Variants in FASN observed in about 807,000 individuals in gnomAD.
FASN encodes the protein fatty acid synthase, also known as 3-hydroxyacyl-[acyl-carrier-protein] dehydratase.
Under a neutral mutation model 250.0 loss-of-function variants are expected in FASN, and 50 were observed. The observed-to-expected ratio is 0.20, with a 90% CI of 0.16 to 0.25. The LOEUF is 0.25. FASN is among the 10% of genes least tolerant of loss of function. The pLI, the probability that FASN is intolerant of heterozygous loss-of-function variation, is 1.00. For missense variants in FASN, 3,031 were observed against 3,498.5 expected, an observed-to-expected ratio of 0.87 and a Z score of 3.37; for synonymous variants, 1,909 against 1,584.0, an observed-to-expected ratio of 1.21 and a Z score of -4.87.
intron 3 of FASN, among the ~76,000 whole-genome samples, chr17:82,094,805 T>C (rs1304420396): frequency 6.7e-6 from 1 of 148,586 alleles, no homozygotes; most frequent in Non-Finnish European, 1.5e-5. Context: ...AATAAATAAA[T>C]AAAAATAAAA....
rs766478964 is a variant in FASN at position 82,082,152 on chromosome 17, C to T, written c.6020G>A (p.Arg2007Gln). The T allele has an allele frequency of 2.2e-5, 35 of 1,603,394 alleles. No homozygotes were observed. Among genetic ancestry groups the T allele is most frequent in the East Asian group, 8.9e-5 (4 of 44,898 alleles). ...GTAGTCCAGCTCAGGGCACGCCTCT[C>T]GGGTCACCCTGTGGGCACGCGTGTC... Reference protein sequence around the residue: ...SGTLNLDRVTREACPELDYFV... With the variant: ...SGTLNLDRVTQEACPELDYFV... The change falls in exon 36 of 43, where the codon CGA becomes CAA. Residue 2007 changes from arginine (R) to glutamine (Q), a missense_variant. Coordinates refer to ENST00000306749, the MANE Select transcript of FASN (RefSeq NM_004104.5).
At position 82,085,792 on chromosome 17, in the gene FASN, G is replaced by T. The variant is rs374632164; in HGVS notation, c.3812C>A (p.Thr1271Lys). The change falls in exon 23 of 43, where the codon ACG becomes AAG. Residue 1271 changes from threonine (T) to lysine (K), a missense_variant. Coordinates refer to ENST00000306749, the MANE Select transcript of FASN (RefSeq NM_004104.5). ...GGCCTGGGGGTGGCGGTCGGTGGCC[G>T]TGTAGCTCAGCTGCAGCAGGGGATG... ...SPHPLLQLSY[T>K]ATDRHPQALE... 6.4e-7 allele frequency: 1 copy of T among 1,562,132 alleles called. No homozygotes were observed.
rs781194328 is a variant in FASN, at chr17:82,081,594, T to G, written c.6406+7A>C. 13 of 1,611,960 alleles carry G rather than the reference T, an allele frequency of 8.1e-6. No homozygotes were observed. The highest frequency in any genetic ancestry group is 1.1e-5 in the Non-Finnish European group (13 of 1,179,942). Reference sequence around the variant, plus strand: ...CACCTGGCGCGGCTCCTACTGGGAGTGCTCACCCAGGATGTGTGCCACGGC... The same window carrying G: ...CACCTGGCGCGGCTCCTACTGGGAGGGCTCACCCAGGATGTGTGCCACGGC... On this transcript the variant is annotated splice_region_variant and intron_variant, in intron 37 of 42. Transcript: ENST00000306749.
At position 82,081,633 on chromosome 17, in the gene FASN, C is replaced by T. The variant is rs145866788; in HGVS notation, c.6374G>A (p.Arg2125Gln). Residue 2125 changes from arginine (R) to glutamine (Q), a missense_variant, in exon 37 of 43, where the codon CGG becomes CAG. Arg to Gln is a conservative substitution (Grantham distance 43, BLOSUM62 1). Transcript: ENST00000306749. Reference protein sequence around the residue: ...AAAYRDRDSQRDLVEAVAHIL... With the variant: ...AAAYRDRDSQQDLVEAVAHIL... The stretch of plus-strand genomic sequence containing the variant: ...GTGTGCCACGGCCTCCACCAGGTCC[C>T]GCTGGCTGTCCCTGTCCCTATAGGC... 5.0e-3 allele frequency: 8,127 copies of T among 1,612,718 alleles called. 27 individuals are homozygous for T. Among genetic ancestry groups the T allele is most frequent in the Non-Finnish European group, 6.3e-3 (7,418 of 1,180,002 alleles).
chr17:82,089,796 C>T, intron 11 of FASN, 70 bp from the exon 12 acceptor site: 1 of 1,314,748 alleles, frequency 7.6e-7, no homozygotes, highest in African/African-American at 1.5e-5. Context: ...CCCACCCAGA[C>T]ACTGCCTGCA....
chr17:82,088,072 C>T (rs754428065), intron 17 of FASN, 38 bp from the exon 18 acceptor site: 6 of 1,612,522 alleles, frequency 3.7e-6, no homozygotes, highest in South Asian at 1.1e-5. Flanking sequence ...AGGGCAGCAC[C>T]CGCCCCCCAG....
rs562304041 is a variant in FASN at position 82,081,747 on chromosome 17, C to T, written c.6260G>A (p.Arg2087His). 2.2e-5 allele frequency: 35 copies of T among 1,612,692 alleles called. No homozygotes were observed. Among genetic ancestry groups the T allele is most frequent in the South Asian group, 1.2e-4 (11 of 91,086 alleles). Residue 2087 changes from arginine to histidine, a missense_variant, in exon 37 of 43, where the codon CGC (arginine) becomes CAC (histidine). By Grantham distance (29) the Arg-to-His change is conservative. Coordinates refer to ENST00000306749, the MANE Select transcript of FASN (RefSeq NM_004104.5). ...DTIVSGTLPQ[R>H]MASCLEVLDL... ...CAGCACCTCCAGGCAGGACGCCATG[C>T]GCTGGGGCAGCGTGCCACTGACGAT...
chr17:82,090,770 C>T (rs995662333), intron 10 of FASN, 112 bp downstream of exon 10: 2 of 1,282,406 alleles, frequency 1.6e-6, no homozygotes, highest in East Asian at 2.5e-5. Context: ...AAGGCTCTGC[C>T]TAGCAAAGGG....
chr17:82,082,370 G>A lies in FASN; in HGVS notation c.5964C>T (p.Phe1988=). 1 of 1,612,896 alleles carries A rather than the reference G, an allele frequency of 6.2e-7. No individual in the cohort carries two copies. Among genetic ancestry groups the A allele is most frequent in the Non-Finnish European group, 8.5e-7 (1 of 1,179,996 alleles). Residue 1988 remains phenylalanine (F), a synonymous_variant, in exon 35 of 43, where the codon TTC becomes TTT. Transcript: ENST00000306749. ...TGTACTTGGGCTTGCAGACGTCCTG[G>A]AAGAACTCTGGGGTCTGGTTCTCCA... ...GLLENQTPEF[F]QDVCKPKYSG...
At chr17:82,090,123 G>A in intron 11 of FASN, among the ~76,000 whole-genome samples, 1 of 152,220 alleles carries the variant, frequency 6.6e-6, no homozygotes, top group East Asian at 1.9e-4. Flanking sequence ...CTGCAGCTGT[G>A]TGCTCATCAC....
Position 82,081,310 on chromosome 17 carries a change from G to C in FASN, c.6449C>G (p.Ala2150Gly). Residue 2150 changes from alanine to glycine, a missense_variant, in exon 38 of 43, where the codon GCG becomes GGG. Transcript: ENST00000306749. ...CATGAGCGAGTCCAGGCCCAGGTCCGCCAGTGAGCTGTCCAGGTTGACAGC... is the reference window on the plus strand; with the variant it reads ...CATGAGCGAGTCCAGGCCCAGGTCCCCCAGTGAGCTGTCCAGGTTGACAGC... ...LAAVNLDSSLADLGLDSLMSV... is the reference protein window; with the variant it reads ...LAAVNLDSSLGDLGLDSLMSV... 6.4e-7 allele frequency: 1 copy of C among 1,556,952 alleles called. No individual in the cohort carries two copies.
intron 4 of FASN, 36 bp from the exon 5 acceptor site, chr17:82,093,455 TGA>T: frequency 6.3e-7 from 1 of 1,585,936 alleles, no homozygotes; most frequent in South Asian, 1.1e-5. Flanking sequence ...GGTGGGGCTG[TGA>T]GCACACGAGA....
intron 8 of FASN, 130 bp from the exon 9 acceptor site, chr17:82,091,814 C>A (rs565747560): frequency 1.2e-6 from 1 of 833,958 alleles, no homozygotes; most frequent in Non-Finnish European, 1.8e-6. Context: ...CACTTCCTGT[C>A]CCCAACCTAA....
At chr17:82,086,859 C>T (rs1225458729) in intron 21 of FASN, among the ~76,000 whole-genome samples, 191 bp downstream of exon 21, 1 of 151,304 alleles carries the variant, frequency 6.6e-6, no homozygotes, top group African/African-American at 2.4e-5. Flanking sequence ...GGAACAGTGA[C>T]CAGGGACGAG....
At chr17:82,093,806 GC>G in intron 3 of FASN, 35 bp from the exon 4 acceptor site, 1 of 1,606,772 alleles carries the variant, frequency 6.2e-7, no homozygotes, top group South Asian at 1.1e-5. Context: ...CCACGGCCGG[GC>G]CCCACAGCGC....
rs1438153766 is a variant in FASN at position 82,081,722 on chromosome 17, C to T, written c.6285G>A (p.Leu2095=). ...PQRMASCLEV[L]DLFLNQPHMV... ...TGTGGGGCTGGTTCAGGAAGAGGTC[C>T]AGCACCTCCAGGCAGGACGCCATGC... Residue 2095 remains leucine, a synonymous_variant, in exon 37 of 43, where the codon CTG becomes CTA. Transcript: ENST00000306749. 2.5e-6 allele frequency: 4 copies of T among 1,612,714 alleles called. No homozygotes were observed. The highest frequency in any genetic ancestry group is 2.2e-5 in the South Asian group (2 of 91,072).
rs775022621 is a variant in FASN at position 82,087,995 on chromosome 17, C to T, written c.2825G>A (p.Arg942His). Reference protein sequence around the residue: ...SLEVRLLEASRAFEVSENGNL... With the variant: ...SLEVRLLEASHAFEVSENGNL... ...GCCGTTCTCTGACACCTCGAAGGCA[C>T]GGGAGGCCTCCAGGAGCCGTACCTC... Residue 942 changes from arginine to histidine, a missense_variant, in exon 18 of 43, where the codon CGT becomes CAT. Transcript: ENST00000306749. 9.9e-6 allele frequency: 16 copies of T among 1,612,586 alleles called. No homozygotes were observed. The highest frequency in any genetic ancestry group is 3.3e-5 in the Admixed American group (2 of 60,006).
chr17:82,091,846 C>T (rs146097804), intron 8 of FASN, among the ~76,000 whole-genome samples, 162 bp from the exon 9 acceptor site: 15 of 152,274 alleles, frequency 9.9e-5, no homozygotes, highest in South Asian at 2.1e-4. Flanking sequence ...CACAGGGGTC[C>T]GAGGACTGAG....
At position 82,093,346 on chromosome 17, in the gene FASN, G is replaced by A. The variant is rs2034247242; in HGVS notation, c.528C>T (p.His176=). ...CGATGGCGGCAGGGCACTGCCCGCT[G>A]TGGATGGCCTGGTAGGCGTTCTGCA... ...MALQNAYQAI[H]SGQCPAAIVG... The change falls in exon 5 of 43, where the codon CAC becomes CAT. Residue 176 remains histidine, a synonymous_variant. Transcript: ENST00000306749. 6.2e-7 allele frequency: 1 copy of A among 1,603,710 alleles called. No individual in the cohort carries two copies. The highest frequency in any genetic ancestry group is 8.5e-7 in the Non-Finnish European group (1 of 1,176,680).
Sources: gnomAD v4.1 joint callset for allele counts (sites outside exome capture counted in the v4.1 genomes callset) on GRCh38, gnomAD v4.1.1 for gene constraint, MANE v1.5 for transcripts, NCBI Gene and HGNC (gene_info 2026-07-23, HGNC 2026-07-21) for gene names.